The following ZNF442 variants were observed in gnomAD, a reference collection of about 807,000 sequenced individuals.
ZNF442 encodes the protein zinc finger protein 442.
A neutral mutation model predicts 57.0 loss-of-function variants in ZNF442; 45 were observed. The ratio of observed to expected loss-of-function variants is 0.79; its 90% CI spans 0.62 to 1.01. The LOEUF (loss-of-function observed/expected upper bound fraction) is 1.01. Among genes scored for constraint, ZNF442 ranks in the 50% least tolerant of loss-of-function variants. The probability of loss-of-function intolerance (pLI) is 0.00; values close to 1 mark genes in which losing one functional copy is unlikely to be tolerated. For synonymous variants in ZNF442, 213 were observed against 241.8 expected (o/e 0.88, Z 1.10); for missense variants, 690 against 756.5 (o/e 0.91, Z 1.03).
intron 3 of ZNF442, among the ~76,000 whole-genome samples, chr19:12,357,349 C>CTTTTTTTTTTTT (rs5827145): frequency 7.3e-5 from 7 of 95,362 alleles, no homozygotes; most frequent in South Asian, 7.1e-4. Flanking sequence ...CTTTTTCTTT[C>CTTTTTTTTTTTT]TTTTTTTTTT....
rs1288686830 is a variant in ZNF442, at chr19:12,349,773, T to C, written c.1812A>G (p.Glu604=). 1 of 1,614,078 alleles carries C rather than the reference T, an allele frequency of 6.2e-7. No individual in the cohort carries two copies. Among genetic ancestry groups the C allele is most frequent in the East Asian group, 2.2e-5 (1 of 44,888 alleles). ...TGAGAGAACTCAGTGCCTTCCCACA[T>C]TCCTTACATTCATGCATCTTCTCTC... ...HTGEKMHECK[E]CGKALSSLSS... The change falls in exon 6 of 6, where the codon GAA becomes GAG. Residue 604 remains glutamate (E), a synonymous_variant. Transcript: ENST00000242804.
In ZNF442 at chr19:12,364,217, C is replaced by T. The variant is rs1969492722; in HGVS notation, c.-40-546G>A. ...GGTCATGAGTTCGAGATGAGCTTGG[C>T]CAACATGGTGAAACCCCGTCGCTAC... On this transcript the variant is annotated intron_variant, in intron 2 of 5. Transcript: ENST00000242804. 2.0e-5 allele frequency among the ~76,000 whole-genome samples: 3 copies of T among 151,838 alleles called. No homozygotes were observed. The South Asian group carries it at 6.3e-4, about 32-fold the overall frequency.
chr19:12,370,217 G>A (rs1969569630), upstream of ZNF442, among the ~76,000 whole-genome samples: 1 of 151,440 alleles, frequency 6.6e-6, no homozygotes, highest in Non-Finnish European at 1.5e-5. Context: ...GGTCCCTTCT[G>A]GGGGTGGTGG....
In ZNF442 at chr19:12,350,995, C is replaced by T. The variant is rs375562290; in HGVS notation, c.590G>A (p.Arg197Gln). 63 of 1,613,858 alleles carry T rather than the reference C, an allele frequency of 3.9e-5. No homozygotes were observed. The highest frequency in any genetic ancestry group is 1.1e-4 in the African/African-American group (8 of 74,868). ...TCCACGTTGTACTATTATGTGTCTT[C>T]GAAGGTTTCCCGAAGAACTGAAGGT... ...GKTFSSSGNL[R>Q]RHIIVQRGGG... The change falls in exon 6 of 6, where the codon CGA (arginine) becomes CAA (glutamine). Residue 197 changes from arginine (R) to glutamine (Q), a missense_variant. Transcript: ENST00000242804.
At chr19:12,356,054 C>T (rs1969323348) in intron 3 of ZNF442, among the ~76,000 whole-genome samples, 2 of 151,564 alleles carry the variant, frequency 1.3e-5, no homozygotes, top group African/African-American at 4.8e-5. Context: ...GAGGAGTCTT[C>T]CAAATTCAAC....
upstream of ZNF442, among the ~76,000 whole-genome samples, chr19:12,367,536 T>C (rs138632500): frequency 0.042 from 6,464 of 152,210 alleles, 467 homozygotes; most frequent in African/African-American, 0.15. Flanking sequence ...CTAGTAAGCC[T>C]GAGGGCACTG....
chr19:12,371,322 T>C, the ZNF442 span, among the ~76,000 whole-genome samples: 1 of 152,130 alleles, frequency 6.6e-6, no homozygotes, highest in Non-Finnish European at 1.5e-5. Flanking sequence ...ACACTCACAA[T>C]CTATTATCAC....
chr19:12,367,129 GC>G (rs1969541362), upstream of ZNF442, among the ~76,000 whole-genome samples: 1 of 152,252 alleles, frequency 6.6e-6, no homozygotes, highest in South Asian at 2.1e-4. Context: ...GGGGAAACCA[GC>G]CCCCAATATT....
chr19:12,355,363 AT>A (rs111591151), intron 3 of ZNF442, among the ~76,000 whole-genome samples: 8,094 of 137,080 alleles, frequency 0.059, 565 homozygotes, highest in African/African-American at 0.18. Flanking sequence ...TTTAATGAGA[AT>A]TTTTTTTTTT....
At position 12,349,618 on chromosome 19, in the gene ZNF442, G is replaced by C. The variant is rs1969179950; in HGVS notation, c.*83C>G. The C allele has an allele frequency of 7.3e-7, 1 of 1,367,546 alleles. No homozygotes were observed. Among genetic ancestry groups the C allele is most frequent in the Non-Finnish European group, 1.0e-6 (1 of 1,004,156 alleles). 84.7% of individuals were successfully genotyped at this position (1,367,546 alleles called of 1,614,324 possible). On this transcript the variant is annotated 3_prime_UTR_variant, in exon 6 of 6. Coordinates refer to ENST00000242804, the MANE Select transcript of ZNF442 (RefSeq NM_030824.3). ...GAAACATCTTAAGGCTTTACCATGT[G>C]TTTGCATTCATGAGGCTTATCTCCT... is the stretch of plus-strand genomic sequence containing the variant.
At chr19:12,351,430 G>A in intron 5 of ZNF442, 112 bp from the exon 6 acceptor site, 1 of 969,094 alleles carries the variant, frequency 1.0e-6, no homozygotes, top group Non-Finnish European at 1.5e-6. Context: ...TAGGCTTCAT[G>A]CACTGCTTGA....
intron 3 of ZNF442, among the ~76,000 whole-genome samples, chr19:12,359,387 C>A (rs2144834166): frequency 6.6e-6 from 1 of 152,256 alleles, no homozygotes; most frequent in East Asian, 1.9e-4. Context: ...TAAAACAAAA[C>A]AAAATAAAAG....
intron 3 of ZNF442, 85 bp downstream of exon 3, chr19:12,363,469 A>G (rs888885622): frequency 8.9e-5 from 118 of 1,325,222 alleles, no homozygotes; most frequent in Non-Finnish European, 9.1e-5. Context: ...GAGATACTTC[A>G]CTGTGTGCTT....
At chr19:12,357,809 G>A (rs770369198) in intron 3 of ZNF442, among the ~76,000 whole-genome samples, 2 of 151,894 alleles carry the variant, frequency 1.3e-5, no homozygotes, top group Non-Finnish European at 2.9e-5. Flanking sequence ...CAGAGCCTTC[G>A]GTGCATCCAT....
At chr19:12,356,865 T>C (rs1406476662) in intron 3 of ZNF442, among the ~76,000 whole-genome samples, 1 of 152,220 alleles carries the variant, frequency 6.6e-6, no homozygotes. Context: ...TAGGATTTCC[T>C]CATAAATTTA....
At position 12,353,007 on chromosome 19, in the gene ZNF442, A is replaced by C. The variant is rs1229800351; in HGVS notation, c.186T>G (p.Ile62Met). ...TTTTACCTATACAGTCCAGGTTCCT[A>C]ATGGTTTCCCACATCACATCTCTGT... ...SLYRDVMWET[I>M]RNLDCIGMKW... Residue 62 changes from isoleucine (I) to methionine (M), a missense_variant, in exon 4 of 6, where the codon ATT becomes ATG. By Grantham distance (10) the Ile-to-Met change is conservative. Transcript: ENST00000242804. The C allele has an allele frequency of 6.2e-7, 1 of 1,610,294 alleles. No individual in the cohort carries two copies. The highest frequency in any genetic ancestry group is 8.5e-7 in the Non-Finnish European group (1 of 1,179,050).
intron 3 of ZNF442, among the ~76,000 whole-genome samples, chr19:12,354,685 C>T (rs995082921): frequency 1.3e-5 from 2 of 152,210 alleles, no homozygotes; most frequent in East Asian, 1.9e-4. Flanking sequence ...ATTCTCCTGC[C>T]TCAGCCTCCT....
chr19:12,351,490 CT>C (rs915327280), intron 5 of ZNF442, among the ~76,000 whole-genome samples, 172 bp from the exon 6 acceptor site: 141 of 152,292 alleles, frequency 9.3e-4, no homozygotes, highest in African/African-American at 3.3e-3. Flanking sequence ...CAGCTGTTTT[CT>C]TGACAATGAT....
rs939473438 is a variant in ZNF442 at position 12,346,261 on chromosome 19, T to C, written c.*3440A>G. On this transcript the variant is annotated 3_prime_UTR_variant, in exon 6 of 6. Transcript: ENST00000242804. ...CTATAACTCAACAACAAAACACAAA[T>C]GACTCAATTTTAATGAGCAAAGGAT... 9 of 152,100 alleles carry C rather than the reference T, an allele frequency of 5.9e-5. 1 individual carries two copies. The allele number at this position is 152,100 out of a possible 1,614,324, so 9.4% of individuals were successfully genotyped here.
Sources: gnomAD v4.1 joint callset for allele counts (sites outside exome capture counted in the v4.1 genomes callset) on GRCh38, gnomAD v4.1.1 for gene constraint, MANE v1.5 for transcripts, NCBI Gene and HGNC (gene_info 2026-07-23, HGNC 2026-07-21) for gene names.